Variants in PLEKHH1 observed in about 807,000 individuals in gnomAD.
The protein encoded by PLEKHH1 is pleckstrin homology domain-containing family H member 1.
Under a neutral mutation model 160.0 loss-of-function variants are expected in PLEKHH1, and 104 were observed. That is an observed-to-expected ratio of 0.65 (90% CI 0.55 to 0.76). PLEKHH1 has a LOEUF of 0.76. Ranked by LOEUF, PLEKHH1 falls within the 30% of genes least tolerant of loss-of-function variation. The pLI is 0.00. For missense variants in PLEKHH1, 1,427 were observed against 1,724.1 expected, an observed-to-expected ratio of 0.83 and a Z score of 3.05; for synonymous variants, 619 against 678.4, an observed-to-expected ratio of 0.91 and a Z score of 1.36.
chr14:67,566,883 T>C (rs1666359420), intron 7 of PLEKHH1, among the ~76,000 whole-genome samples: 1 of 151,888 alleles, frequency 6.6e-6, no homozygotes, highest in Non-Finnish European at 1.5e-5. Flanking sequence ...GTATAGAAAA[T>C]ATATCAGATG....
At position 67,576,109 on chromosome 14, in the gene PLEKHH1, T is replaced by C; in HGVS notation, c.2352+104T>C. 2 of 874,492 alleles carry C rather than the reference T, an allele frequency of 2.3e-6. No individual in the cohort carries two copies. The highest frequency in any genetic ancestry group is 1.7e-5 in the African/African-American group (1 of 59,414). 54.2% of individuals were successfully genotyped at this position (874,492 alleles called of 1,614,324 possible). A position where few individuals can be genotyped will look rare whatever the true frequency, so the allele number is the denominator to read the frequency against. On this transcript the variant is annotated intron_variant, in intron 16 of 28. Transcript: ENST00000329153. This position sits in a 1 kb window ranked among gnomAD's most constrained non-coding sequence, Gnocchi z 4.0. ...TCCCAAAATTCAAATTTATTTCCTT[T>C]TGGACACTTTGGCAACTAATATTCT...
chr14:67,539,797 C>A (rs1409110893), intron 1 of PLEKHH1, among the ~76,000 whole-genome samples: 1 of 152,160 alleles, frequency 6.6e-6, no homozygotes, highest in Non-Finnish European at 1.5e-5. Context: ...CTTCTCTGTT[C>A]CTCAGTGTCC....
At chr14:67,543,883 T>A (rs1045502125) in intron 2 of PLEKHH1, among the ~76,000 whole-genome samples, 4 of 151,986 alleles carry the variant, frequency 2.6e-5, no homozygotes, top group Admixed American at 6.5e-5. Flanking sequence ...AGAAAAGTCC[T>A]CAGGTAACAA....
intron 7 of PLEKHH1, among the ~76,000 whole-genome samples, chr14:67,567,866 ACCTTT>A (rs2035182447): frequency 1.3e-5 from 2 of 152,154 alleles, no homozygotes; most frequent in Non-Finnish European, 2.9e-5. Flanking sequence ...GACTCACGTC[ACCTTT>A]GTTTTCCTTT....
At chr14:67,570,299 G>T (rs1179038791) in intron 9 of PLEKHH1, 4 of 977,448 alleles carry the variant, frequency 4.1e-6, no homozygotes, top group Non-Finnish European at 1.2e-6. Context: ...TCACTCCTCA[G>T]GTCCCAGAGG....
intron 3 of PLEKHH1, among the ~76,000 whole-genome samples, chr14:67,556,569 A>T (rs1353367344): frequency 2.0e-5 from 3 of 152,164 alleles, no homozygotes; most frequent in Non-Finnish European, 4.4e-5. Context: ...ATGAGCCACC[A>T]CACCCACCCT....
At chr14:67,541,727 C>A in intron 1 of PLEKHH1, 107 bp from the exon 2 acceptor site, 1 of 725,636 alleles carries the variant, frequency 1.4e-6, no homozygotes. Context: ...GTTTTCTCTT[C>A]CCCAGCCCTG....
chr14:67,559,547 T>G, intron 4 of PLEKHH1, 61 bp from the exon 5 acceptor site: 1 of 1,212,614 alleles, frequency 8.2e-7, no homozygotes, highest in African/African-American at 1.5e-5. Context: ...GTTTCCCACC[T>G]CCAGTCAGTC....
intron 26 of PLEKHH1, 87 bp downstream of exon 26, chr14:67,584,211 C>A: frequency 1.4e-6 from 2 of 1,386,436 alleles, no homozygotes; most frequent in Non-Finnish European, 2.0e-6. Flanking sequence ...CAGCCCCTAC[C>A]TCCATACCAG....
chr14:67,572,044 C>G, intron 10 of PLEKHH1, 91 bp from the exon 11 acceptor site: 2 of 1,496,594 alleles, frequency 1.3e-6, no homozygotes, highest in Non-Finnish European at 9.0e-7. Context: ...GAGACCGGGT[C>G]CCGGGTGGGT....
Position 67,562,146 on chromosome 14 carries a change from TAGC to T in PLEKHH1, c.516_518del (p.Ala173del). On this transcript the variant is annotated inframe_deletion, in exon 7 of 29. Transcript: ENST00000329153. Reference sequence around the variant, plus strand: ...TTTACCCGAATCACAGCTATTCAGATAGCTCCTTCACGGAAGCTGCTGGTGCCC... The same window carrying T: ...TTTACCCGAATCACAGCTATTCAGATTCCTTCACGGAAGCTGCTGGTGCCC... 6.2e-7 allele frequency: 1 copy of T among 1,611,542 alleles called. No individual in the cohort carries two copies. The highest frequency in any genetic ancestry group is 8.5e-7 in the Non-Finnish European group (1 of 1,178,294).
chr14:67,559,561 C>A lies in PLEKHH1; in HGVS notation c.340-47C>A, dbSNP rs371154196. On this transcript the variant is annotated intron_variant, in intron 4 of 28. Transcript: ENST00000329153. ...GGTTTCCCACCTCCAGTCAGTCACT[C>A]TCCTGGTGATTGTTGGGATTAACGG... 3.7e-6 allele frequency: 5 copies of A among 1,348,926 alleles called. No individual in the cohort carries two copies. The African/African-American group carries it at 5.8e-5, about 16-fold the overall frequency. 83.6% of individuals were successfully genotyped at this position (1,348,926 alleles called of 1,614,324 possible).
At chr14:67,538,791 A>G (rs1308453090) in intron 1 of PLEKHH1, among the ~76,000 whole-genome samples, 1 of 152,196 alleles carries the variant, frequency 6.6e-6, no homozygotes, top group Non-Finnish European at 1.5e-5. Context: ...GGAGAGGATT[A>G]AACAGACCAC....
At chr14:67,585,774 C>T (rs2036127651) in intron 27 of PLEKHH1, 120 bp downstream of exon 27, 2 of 986,878 alleles carry the variant, frequency 2.0e-6, no homozygotes, top group East Asian at 2.5e-5. Flanking sequence ...CCCACTCCTG[C>T]CCAAGCACCA....
chr14:67,556,608 C>T (rs1016822081), intron 3 of PLEKHH1, among the ~76,000 whole-genome samples: 2 of 152,146 alleles, frequency 1.3e-5, no homozygotes, highest in Non-Finnish European at 2.9e-5. Flanking sequence ...TTAAGCCCAG[C>T]GGGGTGTGAC....
rs775917139 is a variant in PLEKHH1, at chr14:67,575,463, T to C, written c.2160T>C (p.His720=). The C allele has an allele frequency of 1.2e-6, 2 of 1,600,844 alleles. No homozygotes were observed. The highest frequency in any genetic ancestry group is 2.3e-5 in the South Asian group (2 of 88,730). ...VGKIFYYYRS[H]EDKRPLGCLP... ...AAATCTTCTACTACTATCGGAGCCA[T>C]GAGGACAAGGTACTTCTCAGCCTCC... Residue 720 remains histidine, a synonymous_variant, in exon 15 of 29, where the codon CAT becomes CAC. Transcript: ENST00000329153.
intron 1 of PLEKHH1, chr14:67,533,661 A>T (rs1045143320): frequency 6.6e-6 from 1 of 152,180 alleles, no homozygotes; most frequent in Middle Eastern, 3.4e-3. Context: ...GGTCAGATCC[A>T]GCCGCTCCTG....
rs1199281249 is a variant in PLEKHH1, at chr14:67,573,199, G to A, written c.1729-77G>A. On this transcript the variant is annotated intron_variant, in intron 11 of 28. Transcript: ENST00000329153. The surrounding 1 kb of genome is among the most constrained non-coding windows in gnomAD (Gnocchi z 4.8). ...TGATGACCGAGTAGTGAGGCAGCTGGACCACTTGGACCTGTGTGATGTCTA... is the reference window on the plus strand; with the variant it reads ...TGATGACCGAGTAGTGAGGCAGCTGAACCACTTGGACCTGTGTGATGTCTA... 7 of 858,848 alleles carry A rather than the reference G, an allele frequency of 8.2e-6. No homozygotes were observed. The highest frequency in any genetic ancestry group is 3.3e-5 in the African/African-American group (2 of 60,350). The allele number at this position is 858,848 out of a possible 1,614,324, so 53.2% of individuals were successfully genotyped here. A position where few individuals can be genotyped will look rare whatever the true frequency, so the allele number is the denominator to read the frequency against.
rs371147512 is a variant in PLEKHH1, at chr14:67,573,885, C to T, written c.1924C>T (p.Gln642Ter). The T allele has an allele frequency of 6.2e-7, 1 of 1,608,284 alleles. No homozygotes were observed. Among genetic ancestry groups the T allele is most frequent in the Non-Finnish European group, 8.5e-7 (1 of 1,174,656 alleles). ...IVRGEGSQTF[Q>*]LISEKKTYYL... ...TCGAGGGGAGGGTTCACAGACGTTTCAGGTGAGCACGCTCCTGGCTGCTAG... is the reference window on the plus strand; with the variant it reads ...TCGAGGGGAGGGTTCACAGACGTTTTAGGTGAGCACGCTCCTGGCTGCTAG... The change falls in exon 13 of 29, where the codon CAG (glutamine) becomes TAG (stop). Residue 642 changes from glutamine (Q) to a stop codon, truncating the protein, a stop_gained and splice_region_variant. Coordinates refer to ENST00000329153, the MANE Select transcript of PLEKHH1 (RefSeq NM_020715.3). LOFTEE classifies it high-confidence loss of function. This position sits in a 1 kb window ranked among gnomAD's most constrained non-coding sequence, Gnocchi z 4.8.
Sources: allele counts gnomAD v4.1 joint callset (sites outside exome capture counted in the v4.1 genomes callset), GRCh38; gene constraint gnomAD v4.1.1; non-coding constraint Gnocchi (gnomAD v3.1); transcripts MANE v1.5; gene names NCBI Gene and HGNC (gene_info 2026-07-23, HGNC 2026-07-21).